The following PRKCA variants were observed in gnomAD, a reference collection of about 807,000 sequenced individuals.
The protein encoded by PRKCA is protein kinase C alpha, also known as protein kinase C alpha type.
A neutral mutation model predicts 87.0 loss-of-function variants in PRKCA; 27 were observed. The ratio of observed to expected loss-of-function variants is 0.31; its 90% CI spans 0.23 to 0.43. The LOEUF is 0.43. PRKCA is among the 20% of genes least tolerant of loss of function. The probability of loss-of-function intolerance (pLI) is 1.00; values close to 1 mark genes in which losing one functional copy is unlikely to be tolerated. For synonymous variants in PRKCA, 329 were observed against 311.1 expected (o/e 1.06, Z -0.61); for missense variants, 518 against 852.3 (o/e 0.61, Z 4.88).
chr17:66,310,595 G>C (rs1201098206), intron 2 of PRKCA, among the ~76,000 whole-genome samples: 2 of 152,132 alleles, frequency 1.3e-5, no homozygotes, highest in African/African-American at 4.8e-5. Context: ...TTTCAGAGAA[G>C]GTATTTGCAT....
chr17:66,663,873 T>G (rs201758848), intron 5 of PRKCA, among the ~76,000 whole-genome samples: 2 of 33,252 alleles, frequency 6.0e-5, no homozygotes, highest in African/African-American at 2.5e-4. Context: ...GATTTTGGGG[T>G]TTTTTTTTTT....
intron 3 of PRKCA, among the ~76,000 whole-genome samples, chr17:66,542,958 C>G (rs1458458143): frequency 6.6e-6 from 1 of 152,118 alleles, no homozygotes; most frequent in Non-Finnish European, 1.5e-5. Context: ...CATAAAATAT[C>G]TTGGAGTTAC....
chr17:66,420,002 CTTTTTTTTTTTT>C (rs558522698), intron 2 of PRKCA, among the ~76,000 whole-genome samples: 4 of 113,716 alleles, frequency 3.5e-5, no homozygotes, highest in Non-Finnish European at 3.8e-5. Context: ...GGGTTGTGTT[CTTTTTTTTTTTT>C]TTTTTTTTTT....
chr17:66,434,051 C>T (rs932493005), intron 2 of PRKCA, among the ~76,000 whole-genome samples: 4 of 152,076 alleles, frequency 2.6e-5, no homozygotes, highest in Admixed American at 6.6e-5. Flanking sequence ...AGGATGGACC[C>T]TGACTTCTAG....
In PRKCA at chr17:66,786,856, T is replaced by A. The variant is rs756560429; in HGVS notation, c.1606-11T>A. The A allele has an allele frequency of 5.0e-6, 8 of 1,609,924 alleles. No individual in the cohort carries two copies. In the South Asian group the frequency reaches 8.8e-5, roughly 18 times the overall value. ...TAAATACTTTCCCATCTTTCTTTTT[T>A]TCCGGAACAGCCTCCATTTGATGGT... On this transcript the variant is annotated splice_polypyrimidine_tract_variant and intron_variant, in intron 14 of 16. Transcript: ENST00000413366.
chr17:66,450,898 C>T (rs1914277579), intron 2 of PRKCA, among the ~76,000 whole-genome samples: 1 of 152,178 alleles, frequency 6.6e-6, no homozygotes, highest in Non-Finnish European at 1.5e-5. Context: ...GAAAATAGCA[C>T]TGTTTGGAAC....
intron 2 of PRKCA, among the ~76,000 whole-genome samples, chr17:66,436,521 T>C (rs1417691835): frequency 6.6e-6 from 1 of 152,214 alleles, no homozygotes; most frequent in African/African-American, 2.4e-5. Context: ...AGTGCTTTTA[T>C]TACGGTGAAT....
chr17:66,796,364 C>G (rs1442073231), intron 16 of PRKCA: 30 of 885,072 alleles, frequency 3.4e-5, no homozygotes, highest in Non-Finnish European at 3.9e-5. Flanking sequence ...GCATTCTTTG[C>G]GTGTCCATTC....
chr17:66,511,628 T>C (rs1006314748), intron 3 of PRKCA, among the ~76,000 whole-genome samples: 10 of 151,910 alleles, frequency 6.6e-5, no homozygotes, highest in Admixed American at 6.6e-5. Flanking sequence ...GATTTGCTGC[T>C]CGCTGTCAGT....
chr17:66,539,545 A>C (rs1024203009), intron 3 of PRKCA, among the ~76,000 whole-genome samples: 5 of 151,896 alleles, frequency 3.3e-5, no homozygotes, highest in African/African-American at 1.2e-4. Context: ...CTGGGACTAC[A>C]GGCGCCCGCC....
chr17:66,414,012 C>CA lies in PRKCA; in HGVS notation c.206-82173dup, dbSNP rs5821528. ...TGGGTGACAGAGTGAGACTGCATCT[C>CA]AAAAAAAAAAAAAAAAGATTAAATA... On this transcript the variant is annotated intron_variant, in intron 2 of 16. Transcript: ENST00000413366. 2.5e-3 allele frequency among the ~76,000 whole-genome samples: 292 copies of CA among 118,310 alleles called. 1 individual carries two copies. The highest frequency in any genetic ancestry group is 2.9e-3 in the African/African-American group (90 of 31,324). The allele number at this position is 118,310 out of a possible 152,430, so 77.6% of individuals were successfully genotyped here.
intron 3 of PRKCA, among the ~76,000 whole-genome samples, chr17:66,588,799 C>T (rs1347520003): frequency 6.6e-6 from 1 of 151,854 alleles, no homozygotes; most frequent in African/African-American, 2.4e-5. Flanking sequence ...CACCACCATG[C>T]TCGGCTGATT....
At chr17:66,510,721 C>A (rs1186288545) in intron 3 of PRKCA, among the ~76,000 whole-genome samples, 1 of 152,036 alleles carries the variant, frequency 6.6e-6, no homozygotes, top group African/African-American at 2.4e-5. Context: ...TATGAGATTG[C>A]TGTAGGAAAG....
chr17:66,807,222 AG>A lies in PRKCA; in HGVS notation c.*3186del, dbSNP rs879791060. Reference sequence around the variant, plus strand: ...CCTGTGGAGGTCTAGGCCGCCTGGCAGAATCTAGCACCGTCCGAATCCCCGC... The same window carrying A: ...CCTGTGGAGGTCTAGGCCGCCTGGCAAATCTAGCACCGTCCGAATCCCCGC... On this transcript the variant is annotated 3_prime_UTR_variant, in exon 17 of 17. Transcript: ENST00000413366. This position sits in a 1 kb window ranked among gnomAD's most constrained non-coding sequence, Gnocchi z 4.3. 6.6e-5 allele frequency: 10 copies of A among 152,302 alleles called. No individual in the cohort carries two copies. The allele number at this position is 152,302 out of a possible 1,614,324, so 9.4% of individuals were successfully genotyped here.
chr17:66,582,275 T>C (rs931111153), intron 3 of PRKCA, among the ~76,000 whole-genome samples: 5 of 152,188 alleles, frequency 3.3e-5, no homozygotes, highest in Admixed American at 3.3e-4. Context: ...AGGTGGAATA[T>C]CCTTATCCAA....
intron 8 of PRKCA, among the ~76,000 whole-genome samples, chr17:66,694,886 G>T (rs1389153368): frequency 6.6e-6 from 1 of 151,170 alleles, no homozygotes; most frequent in African/African-American, 2.4e-5. Context: ...AGTAAGCTTA[G>T]TATTTTTGTT....
intron 2 of PRKCA, among the ~76,000 whole-genome samples, chr17:66,461,205 CAAAAAAA>C (rs34496253): frequency 1.1e-5 from 1 of 93,032 alleles, no homozygotes; most frequent in African/African-American, 3.8e-5. Flanking sequence ...GACCCCATCT[CAAAAAAA>C]AAAAAAAAAA....
At chr17:66,556,749 G>A (rs573007910) in intron 3 of PRKCA, among the ~76,000 whole-genome samples, 9 of 152,108 alleles carry the variant, frequency 5.9e-5, no homozygotes, top group Non-Finnish European at 1.0e-4. Context: ...CTCTCCTGCC[G>A]CCTTGTGAAG....
At chr17:66,390,116 G>T (rs9916507) in intron 2 of PRKCA, among the ~76,000 whole-genome samples, 1 of 152,124 alleles carries the variant, frequency 6.6e-6, no homozygotes, top group Admixed American at 6.5e-5. Flanking sequence ...CCAGCTACTC[G>T]GAGGCTGAGG....
Sources: gnomAD v4.1 joint callset for allele counts (sites outside exome capture counted in the v4.1 genomes callset) on GRCh38, gnomAD v4.1.1 for gene constraint, Gnocchi (gnomAD v3.1) non-coding constraint, MANE v1.5 for transcripts, NCBI Gene and HGNC (gene_info 2026-07-23, HGNC 2026-07-21) for gene names.